The following ADAMTS18 variants were observed in gnomAD, a reference collection of about 807,000 sequenced individuals.
ADAMTS18 encodes A disintegrin and metalloproteinase with thrombospondin motifs 18.
In ADAMTS18, 157 loss-of-function variants were observed where a neutral mutation model predicts 165.9. The observed-to-expected ratio is 0.95, with a 90% CI of 0.83 to 1.08. The LOEUF is 1.08. Ranked by LOEUF, ADAMTS18 falls within the 50% of genes least tolerant of loss-of-function variation. ADAMTS18 has a pLI of 0.00. For synonymous variants in ADAMTS18, 782 were observed against 578.2 expected, an observed-to-expected ratio of 1.35 and a Z score of -5.06; for missense variants, 2,040 against 1,534.0, an observed-to-expected ratio of 1.33 and a Z score of -5.51.
chr16:77,318,277 G>C (rs988209829), intron 16 of ADAMTS18, among the ~76,000 whole-genome samples: 1 of 152,134 alleles, frequency 6.6e-6, no homozygotes, highest in Non-Finnish European at 1.5e-5. Flanking sequence ...CCCACCTCTA[G>C]TAGGCTTTGT....
At chr16:77,366,887 CT>C (rs1004275318) in intron 4 of ADAMTS18, among the ~76,000 whole-genome samples, 2 of 152,002 alleles carry the variant, frequency 1.3e-5, no homozygotes, top group African/African-American at 2.4e-5. Context: ...TTCATTTACC[CT>C]TTTTTTTAAC....
chr16:77,338,574 A>G lies in ADAMTS18; in HGVS notation c.1711-2670T>C, dbSNP rs1212696941. Among the ~76,000 whole-genome samples, 5 of 152,136 alleles carry G rather than the reference A, an allele frequency of 3.3e-5. No homozygotes were observed. In the East Asian group the frequency reaches 7.8e-4, roughly 24 times the overall value. ...TTTCTGGCACTACATCTAATTTCCA[A>G]TTGAATGGCCATGACTTAGGCCATT... is the stretch of plus-strand genomic sequence containing the variant. On this transcript the variant is annotated intron_variant, in intron 11 of 22. Transcript: ENST00000282849.
At chr16:77,434,348 T>G in intron 2 of ADAMTS18, 70 bp downstream of exon 2, 1 of 1,517,474 alleles carries the variant, frequency 6.6e-7, no homozygotes. Flanking sequence ...CCATCTTTTC[T>G]CTCTTTGGGG....
At chr16:77,398,056 C>T (rs2057280990) in intron 3 of ADAMTS18, among the ~76,000 whole-genome samples, 1 of 152,136 alleles carries the variant, frequency 6.6e-6, no homozygotes, top group Admixed American at 6.5e-5. Flanking sequence ...GTGGCTCACA[C>T]CTATAATCCC....
chr16:77,391,371 G>C (rs1476665031), intron 3 of ADAMTS18, among the ~76,000 whole-genome samples: 1 of 151,856 alleles, frequency 6.6e-6, no homozygotes. Flanking sequence ...CATGCCTGTA[G>C]TCCCAGCTAC....
intron 12 of ADAMTS18, among the ~76,000 whole-genome samples, chr16:77,330,022 G>A (rs2056161997): frequency 6.6e-6 from 1 of 152,202 alleles, no homozygotes; most frequent in African/African-American, 2.4e-5. Context: ...TACATATACA[G>A]ATTCCTGAGG....
At chr16:77,416,750 G>C (rs537107566) in intron 3 of ADAMTS18, among the ~76,000 whole-genome samples, 1 of 152,302 alleles carries the variant, frequency 6.6e-6, no homozygotes, top group Admixed American at 6.5e-5. Context: ...TGAGCTGGTA[G>C]AGAAGAGGAA....
intron 16 of ADAMTS18, among the ~76,000 whole-genome samples, chr16:77,304,561 C>A (rs951427788): frequency 6.6e-6 from 1 of 152,190 alleles, no homozygotes; most frequent in Non-Finnish European, 1.5e-5. Context: ...ATCCCTTTTC[C>A]TAAACTTGAA....
At chr16:77,289,896 TG>T (rs773900403) in intron 21 of ADAMTS18, among the ~76,000 whole-genome samples, 6 of 152,156 alleles carry the variant, frequency 3.9e-5, no homozygotes, top group Non-Finnish European at 5.9e-5. Flanking sequence ...ATGACAGAGT[TG>T]GTGCTTCTTA....
intron 3 of ADAMTS18, among the ~76,000 whole-genome samples, chr16:77,431,052 A>G (rs556361548): frequency 3.3e-4 from 50 of 152,352 alleles, no homozygotes; most frequent in Middle Eastern, 3.4e-3. Context: ...TCAAACATGG[A>G]GAATGAAAAG....
At chr16:77,339,174 T>A (rs1303983239) in intron 11 of ADAMTS18, among the ~76,000 whole-genome samples, 1 of 150,892 alleles carries the variant, frequency 6.6e-6, no homozygotes, top group Non-Finnish European at 1.5e-5. Flanking sequence ...CTCATGAAAT[T>A]TACAGTCTAA....
chr16:77,418,817 T>G (rs1006691887), intron 3 of ADAMTS18, among the ~76,000 whole-genome samples: 32 of 152,332 alleles, frequency 2.1e-4, no homozygotes, highest in African/African-American at 7.7e-4. Flanking sequence ...TGTTTTCTAT[T>G]GCTGCCTAAC....
At chr16:77,397,990 G>A (rs1417516620) in intron 3 of ADAMTS18, among the ~76,000 whole-genome samples, 5 of 152,086 alleles carry the variant, frequency 3.3e-5, no homozygotes, top group Non-Finnish European at 5.9e-5. Flanking sequence ...TATAAAGGAT[G>A]GTAAGGGTAA....
chr16:77,308,905 G>A (rs1388913041), intron 16 of ADAMTS18, among the ~76,000 whole-genome samples: 1 of 152,086 alleles, frequency 6.6e-6, no homozygotes, highest in African/African-American at 2.4e-5. Flanking sequence ...CAGGAGTGGA[G>A]AATTAAAATA....
chr16:77,406,674 G>T (rs2057396943), intron 3 of ADAMTS18, among the ~76,000 whole-genome samples: 1 of 151,858 alleles, frequency 6.6e-6, no homozygotes, highest in South Asian at 2.1e-4. Flanking sequence ...GTTCATCACG[G>T]CACTATACAC....
chr16:77,434,649 G>C lies in ADAMTS18; in HGVS notation c.47C>G (p.Ser16Trp). Residue 16 changes from serine (S) to tryptophan (W), a missense_variant, in exon 1 of 23, where the codon TCG becomes TGG. Transcript: ENST00000282849. ...TCCCGCCAGGCCCCTCGGCGGGCCCGAACCCGCAGCCGGGAAGGCACACGC... is the reference window on the plus strand; with the variant it reads ...TCCCGCCAGGCCCCTCGGCGGGCCCCAACCCGCAGCCGGGAAGGCACACGC... ...LLACAFPAAG[S>W]GPPRGLAGLG... is the part of the protein sequence containing the mutation. 2.0e-6 allele frequency: 3 copies of C among 1,480,832 alleles called. No individual in the cohort carries two copies. The highest frequency in any genetic ancestry group is 2.7e-6 in the Non-Finnish European group (3 of 1,122,734). The allele number at this position is 1,480,832 out of a possible 1,614,324, so 91.7% of individuals were successfully genotyped here. A position where few individuals can be genotyped will look rare whatever the true frequency, so the allele number is the denominator to read the frequency against.
Position 77,293,120 on chromosome 16 carries a change from G to A in ADAMTS18, c.3145C>T (p.Pro1049Ser), listed in dbSNP as rs768111531. 1.2e-6 allele frequency: 2 copies of A among 1,613,892 alleles called. No individual in the cohort carries two copies. Among genetic ancestry groups the A allele is most frequent in the South Asian group, 1.1e-5 (1 of 91,052 alleles). ...LQEGCVLGRC[P>S]KNSRLQWVAS... ...ACCCACTGTAGCCGGCTGTTCTTGG[G>A]GCATCGTCCAAGCACACAGCCCTCC... is the stretch of plus-strand genomic sequence containing the variant. The change falls in exon 20 of 23, where the codon CCC becomes TCC. Residue 1049 changes from proline (P) to serine (S), a missense_variant. Transcript: ENST00000282849.
At chr16:77,309,752 T>A (rs1470846757) in intron 16 of ADAMTS18, among the ~76,000 whole-genome samples, 1 of 152,152 alleles carries the variant, frequency 6.6e-6, no homozygotes, top group East Asian at 1.9e-4. Flanking sequence ...TGCCTTGTAC[T>A]ACAAAACACC....
intron 3 of ADAMTS18, among the ~76,000 whole-genome samples, chr16:77,420,159 G>GT (rs1437806090): frequency 6.7e-6 from 1 of 150,122 alleles, no homozygotes; most frequent in Non-Finnish European, 1.5e-5. Flanking sequence ...CCAAAGGTGG[G>GT]TGAAGGGTAT....
Sources: allele counts gnomAD v4.1 joint callset (sites outside exome capture counted in the v4.1 genomes callset), GRCh38; gene constraint gnomAD v4.1.1; transcripts MANE v1.5; gene names NCBI Gene and HGNC (gene_info 2026-07-23, HGNC 2026-07-21).